ITPRID1: variants seen among roughly 807,000 people sequenced by gnomAD.
The protein encoded by ITPRID1 is protein ITPRID1.
A neutral mutation model predicts 95.4 loss-of-function variants in ITPRID1; 96 were observed. That is an observed-to-expected ratio of 1.01 (90% CI 0.85 to 1.19). The LOEUF (loss-of-function observed/expected upper bound fraction) is 1.19. ITPRID1 is among the 50% of genes most tolerant of loss of function. The pLI is 0.00. For synonymous variants in ITPRID1, 510 were observed against 453.6 expected, an observed-to-expected ratio of 1.12 and a Z score of -1.58; for missense variants, 1,339 against 1,252.9, an observed-to-expected ratio of 1.07 and a Z score of -1.04.
In ITPRID1 at chr7:31,553,157, G is replaced by A; in HGVS notation, c.133G>A (p.Glu45Lys). The A allele has an allele frequency of 6.3e-7, 1 of 1,587,522 alleles. No homozygotes were observed. Among genetic ancestry groups the A allele is most frequent in the Non-Finnish European group, 8.6e-7 (1 of 1,165,820 alleles). Reference protein sequence around the residue: ...DEWLPPDPEEESQSLTIPMLE... With the variant: ...DEWLPPDPEEKSQSLTIPMLE... ...GTGGCTGCCCCCTGACCCTGAGGAG[G>A]AAAGCCAGAGTCTCACCATCCCCAT... The change falls in exon 3 of 15, where the codon GAA becomes AAA. Residue 45 changes from glutamate (E) to lysine (K), a missense_variant. By Grantham distance (56) the Glu-to-Lys change is moderately conservative. Coordinates refer to ENST00000615280, the MANE Select transcript of ITPRID1 (RefSeq NM_001257967.3).
intron 5 of ITPRID1, among the ~76,000 whole-genome samples, chr7:31,562,173 C>T (rs1028015638): frequency 1.3e-5 from 2 of 151,476 alleles, no homozygotes; most frequent in East Asian, 1.9e-4. Context: ...ATTACAATGC[C>T]AGGATTATAA....
At chr7:31,596,606 C>A (rs1039083195) in intron 10 of ITPRID1, among the ~76,000 whole-genome samples, 4 of 151,598 alleles carry the variant, frequency 2.6e-5, no homozygotes, top group Non-Finnish European at 4.4e-5. Flanking sequence ...TACTTGACAT[C>A]ATCAACTTGA....
At chr7:31,651,483 AAGAC>A (rs1430539737) in intron 13 of ITPRID1, among the ~76,000 whole-genome samples, 1 of 152,116 alleles carries the variant, frequency 6.6e-6, no homozygotes, top group Non-Finnish European at 1.5e-5. Flanking sequence ...AGAAGGTCAA[AAGAC>A]AGGCAGTCAG....
rs1341081794 is a variant in ITPRID1, at chr7:31,651,216, G to A, written c.2658G>A (p.Gln886=). 2 of 1,613,490 alleles carry A rather than the reference G, an allele frequency of 1.2e-6. No homozygotes were observed. Among genetic ancestry groups the A allele is most frequent in the African/African-American group, 1.3e-5 (1 of 74,890 alleles). Residue 886 remains glutamine, a synonymous_variant, in exon 13 of 15, where the codon CAG becomes CAA. Transcript: ENST00000615280. ...GGGAGTATTTAGAAGAAATTGAACA[G>A]CACCTTATGGGACAGCAGGCCCTCT... ...SFREYLEEIE[Q]HLMGQQALFS... is the part of the protein sequence containing the mutation.
chr7:31,579,886 C>A (rs1785332616), intron 9 of ITPRID1, among the ~76,000 whole-genome samples: 1 of 151,938 alleles, frequency 6.6e-6, no homozygotes, highest in African/African-American at 2.4e-5. Flanking sequence ...AAAAGCATAC[C>A]TTTGGTCAAA....
At chr7:31,623,361 C>T (rs370485893) in intron 10 of ITPRID1, among the ~76,000 whole-genome samples, 6 of 151,644 alleles carry the variant, frequency 4.0e-5, no homozygotes, top group South Asian at 4.2e-4. Flanking sequence ...CTCAATAAAA[C>T]ACTGGCAAAC....
chr7:31,658,161 A>G, downstream of ITPRID1: 1 of 905,758 alleles, frequency 1.1e-6, no homozygotes, highest in Non-Finnish European at 1.6e-6. Context: ...CAGTGTATGC[A>G]TAGGCCATGT....
intron 1 of ITPRID1, among the ~76,000 whole-genome samples, chr7:31,542,919 T>C (rs1336794062): frequency 6.6e-6 from 1 of 152,186 alleles, no homozygotes; most frequent in Non-Finnish European, 1.5e-5. Flanking sequence ...ACTTTTTCCT[T>C]AAAAATATTT....
At chr7:31,574,438 C>T (rs1785102471) in intron 7 of ITPRID1, 102 bp from the exon 8 acceptor site, 1 of 1,037,548 alleles carries the variant, frequency 9.6e-7, no homozygotes, top group Non-Finnish European at 1.5e-6. Flanking sequence ...TTAGGATCCT[C>T]TTTCACTCAG....
chr7:31,630,244 C>CAAAAAAAAA (rs71557496), intron 10 of ITPRID1, among the ~76,000 whole-genome samples: 1 of 103,716 alleles, frequency 9.6e-6, no homozygotes, highest in Non-Finnish European at 1.8e-5. Flanking sequence ...GTCTACTTGG[C>CAAAAAAAAA]AAAAAAAAAA....
chr7:31,595,939 C>A (rs17399994), intron 10 of ITPRID1, among the ~76,000 whole-genome samples: 12,720 of 151,664 alleles, frequency 0.084, 656 homozygotes, highest in Middle Eastern at 0.13. Flanking sequence ...ACCTAATATG[C>A]AAAACCCATT....
chr7:31,564,468 CT>C (rs770145518), intron 5 of ITPRID1, among the ~76,000 whole-genome samples: 2 of 152,022 alleles, frequency 1.3e-5, no homozygotes, highest in African/African-American at 2.4e-5. Flanking sequence ...TTAAAAAAAC[CT>C]AACCAGGGTA....
At chr7:31,535,389 T>C (rs1783726248) in intron 1 of ITPRID1, among the ~76,000 whole-genome samples, 1 of 152,060 alleles carries the variant, frequency 6.6e-6, no homozygotes, top group South Asian at 2.1e-4. Context: ...GAGAGAAATA[T>C]ATATGTATTT....
chr7:31,595,682 T>G (rs917729045), intron 10 of ITPRID1, among the ~76,000 whole-genome samples: 1 of 152,074 alleles, frequency 6.6e-6, no homozygotes, highest in Non-Finnish European at 1.5e-5. Context: ...TTAACATAAA[T>G]TAGGTATTTG....
chr7:31,581,624 ATTTG>A (rs1785407862), intron 9 of ITPRID1, among the ~76,000 whole-genome samples: 1 of 152,114 alleles, frequency 6.6e-6, no homozygotes, highest in African/African-American at 2.4e-5. Context: ...AGCTGTAACT[ATTTG>A]TTTATTTTAT....
At chr7:31,533,773 G>T (rs1476341538) in intron 1 of ITPRID1, among the ~76,000 whole-genome samples, 1 of 151,998 alleles carries the variant, frequency 6.6e-6, no homozygotes, top group African/African-American at 2.4e-5. Context: ...GCATTTTTTA[G>T]GTACATTAAG....
chr7:31,549,176 C>T lies in ITPRID1; in HGVS notation c.-97-250C>T, dbSNP rs537053623. 4.6e-5 allele frequency among the ~76,000 whole-genome samples: 7 copies of T among 152,194 alleles called. No homozygotes were observed. The South Asian group carries it at 1.0e-3, about 23-fold the overall frequency. On this transcript the variant is annotated intron_variant, in intron 1 of 14. Coordinates refer to ENST00000615280, the MANE Select transcript of ITPRID1 (RefSeq NM_001257967.3). ...CTGGAGCTACAGGCTCTAATTATAA[C>T]CTTAAAATTTAGTCTATAATTGAAG...
intron 1 of ITPRID1, among the ~76,000 whole-genome samples, chr7:31,542,480 G>T (rs1044982434): frequency 6.6e-6 from 1 of 152,094 alleles, no homozygotes. Flanking sequence ...TTTAGGACAA[G>T]AATTTGCCAT....
chr7:31,591,789 C>T (rs974201142), intron 10 of ITPRID1, among the ~76,000 whole-genome samples: 7 of 152,082 alleles, frequency 4.6e-5, no homozygotes, highest in Non-Finnish European at 1.0e-4. Context: ...AGTATTTTGC[C>T]ACTATTTGAT....
Sources: allele counts gnomAD v4.1 joint callset (sites outside exome capture counted in the v4.1 genomes callset), GRCh38; gene constraint gnomAD v4.1.1; transcripts MANE v1.5; gene names NCBI Gene and HGNC (gene_info 2026-07-23, HGNC 2026-07-21).